ST18: variants seen among roughly 807,000 people sequenced by gnomAD.
ST18 encodes the protein suppression of tumorigenicity 18 protein.
A neutral mutation model predicts 110.0 loss-of-function variants in ST18; 50 were observed. The observed-to-expected ratio is 0.45, with a 90% CI of 0.36 to 0.58. The LOEUF is 0.58. Ranked by LOEUF, ST18 falls within the 20% of genes least tolerant of loss-of-function variation. The pLI is 0.00. For synonymous variants in ST18, 461 were observed against 452.4 expected, an observed-to-expected ratio of 1.02 and a Z score of -0.24; for missense variants, 1,306 against 1,280.1, an observed-to-expected ratio of 1.02 and a Z score of -0.31.
At chr8:52,337,841 G>A (rs905728613) in intron 2 of ST18, among the ~76,000 whole-genome samples, 6 of 152,158 alleles carry the variant, frequency 3.9e-5, no homozygotes, top group African/African-American at 1.4e-4. Flanking sequence ...CATGAAGAAT[G>A]GCTGTGTGAA....
chr8:52,183,094 C>T (rs895063469), intron 8 of ST18, among the ~76,000 whole-genome samples: 1 of 152,124 alleles, frequency 6.6e-6, no homozygotes, highest in Non-Finnish European at 1.5e-5. Flanking sequence ...AAGCTCACGT[C>T]CTCTCCTCCA....
At chr8:52,329,927 TG>T (rs1180369026) in intron 2 of ST18, among the ~76,000 whole-genome samples, 31 of 152,124 alleles carry the variant, frequency 2.0e-4, no homozygotes, top group Non-Finnish European at 5.9e-5. Context: ...TAGCTAATAG[TG>T]GGTTGGCTAG....
intron 2 of ST18, among the ~76,000 whole-genome samples, chr8:52,390,487 T>C (rs1446278314): frequency 3.3e-5 from 5 of 152,172 alleles, no homozygotes; most frequent in Non-Finnish European, 5.9e-5. Flanking sequence ...AATCAGGAAA[T>C]ATTTTCTTAA....
chr8:52,317,586 T>G (rs1336903395), intron 2 of ST18, among the ~76,000 whole-genome samples: 1 of 152,254 alleles, frequency 6.6e-6, no homozygotes, highest in Non-Finnish European at 1.5e-5. Flanking sequence ...ACCTGACTGT[T>G]TCTCCCTATA....
intron 10 of ST18, among the ~76,000 whole-genome samples, chr8:52,170,720 T>G (rs1169500801): frequency 6.6e-6 from 1 of 152,158 alleles, no homozygotes; most frequent in Non-Finnish European, 1.5e-5. Flanking sequence ...CTCCAACCCT[T>G]GCAGGATGTT....
intron 2 of ST18, among the ~76,000 whole-genome samples, chr8:52,399,739 A>C (rs993634122): frequency 1.3e-5 from 2 of 151,998 alleles, no homozygotes; most frequent in Non-Finnish European, 2.9e-5. Flanking sequence ...CGAATTTTTC[A>C]AGATTCCTCC....
intron 2 of ST18, among the ~76,000 whole-genome samples, chr8:52,250,837 T>TA (rs964120520): frequency 3.1e-4 from 47 of 151,184 alleles, no homozygotes; most frequent in South Asian, 6.3e-4. Flanking sequence ...TGCCAGCAGT[T>TA]AAAAAAAAAT....
chr8:52,398,686 G>A (rs1841963633), intron 2 of ST18, among the ~76,000 whole-genome samples: 1 of 152,094 alleles, frequency 6.6e-6, no homozygotes, highest in African/African-American at 2.4e-5. Flanking sequence ...ACAGAATTGA[G>A]ATGTTAATTG....
intron 2 of ST18, among the ~76,000 whole-genome samples, chr8:52,295,943 G>A (rs1362609509): frequency 1.3e-5 from 2 of 151,964 alleles, no homozygotes; most frequent in East Asian, 3.9e-4. Flanking sequence ...GAACAGGGGA[G>A]CAGCTGCATG....
At chr8:52,323,461 G>A (rs578059340) in intron 2 of ST18, among the ~76,000 whole-genome samples, 124 of 152,304 alleles carry the variant, frequency 8.1e-4, no homozygotes, top group African/African-American at 2.7e-3. Context: ...GGTGTCCAGC[G>A]TGCTGGGATG....
chr8:52,211,766 T>C (rs1436846617), intron 8 of ST18, among the ~76,000 whole-genome samples: 4 of 152,106 alleles, frequency 2.6e-5, no homozygotes, highest in Non-Finnish European at 4.4e-5. Context: ...TGACCATCAG[T>C]GTGAAATCCA....
Position 52,168,231 on chromosome 8 carries a change from G to A in ST18, c.1070-1245C>T, listed in dbSNP as rs141712030. ...GAGGCTATCGGGGTCTGCAACATGA[G>A]GCCTCAGGAATAATGAGCACACTAG... On this transcript the variant is annotated intron_variant, in intron 10 of 25. Transcript: ENST00000689386. Among the ~76,000 whole-genome samples, 476 of 148,540 alleles carry A rather than the reference G, an allele frequency of 3.2e-3. 2 individuals are homozygous for A. Among genetic ancestry groups the A allele is most frequent in the African/African-American group, 0.011 (454 of 39,996 alleles).
chr8:52,393,106 G>A (rs529433101), intron 2 of ST18, among the ~76,000 whole-genome samples: 1 of 152,254 alleles, frequency 6.6e-6, no homozygotes, highest in South Asian at 2.1e-4. Flanking sequence ...CACTTTGGGT[G>A]GACAAAGTTC....
Position 52,149,887 on chromosome 8 carries a change from A to G in ST18, c.1897T>C (p.Ser633Pro). The G allele has an allele frequency of 6.2e-7, 1 of 1,614,180 alleles. No individual in the cohort carries two copies. The change falls in exon 16 of 26, where the codon TCT becomes CCT. Residue 633 changes from serine to proline, a missense_variant. Physicochemically the swap from Ser to Pro is moderately conservative, Grantham distance 74 (BLOSUM62 -1). Coordinates refer to ENST00000689386, the MANE Select transcript of ST18 (RefSeq NM_001352837.2). ...ILDKSAPLTS[S>P]NTSIPTPSSS... ...GAAGGAGTTGGAATAGAAGTGTTAG[A>G]GGAAGTTAGGGGTGCAGACTTGTCC...
At chr8:52,348,037 A>C (rs1818516043) in intron 2 of ST18, among the ~76,000 whole-genome samples, 1 of 152,200 alleles carries the variant, frequency 6.6e-6, no homozygotes, top group Admixed American at 6.5e-5. Context: ...ACTATGGTCC[A>C]TGAGCCAGAT....
At chr8:52,338,226 T>G (rs1335281811) in intron 2 of ST18, among the ~76,000 whole-genome samples, 1 of 151,790 alleles carries the variant, frequency 6.6e-6, no homozygotes, top group Admixed American at 6.6e-5. Flanking sequence ...GTCTGGCTAA[T>G]TTTGTATATT....
intron 2 of ST18, chr8:52,249,530 T>C (rs2094127479): frequency 6.6e-6 from 1 of 152,176 alleles, no homozygotes; most frequent in African/African-American, 2.4e-5. Context: ...CTTTGTGTCA[T>C]TTACTTAACG....
At chr8:52,184,919 T>C (rs2071407067) in intron 8 of ST18, among the ~76,000 whole-genome samples, 1 of 152,104 alleles carries the variant, frequency 6.6e-6, no homozygotes, top group Non-Finnish European at 1.5e-5. Context: ...CACAGATTCA[T>C]TGAAAGGGGC....
chr8:52,346,552 A>T (rs1418286933), intron 2 of ST18, among the ~76,000 whole-genome samples: 1 of 152,236 alleles, frequency 6.6e-6, no homozygotes, highest in Non-Finnish European at 1.5e-5. Context: ...TTATCATCAC[A>T]TGTCAGAGCA....
Sources: allele counts gnomAD v4.1 joint callset (sites outside exome capture counted in the v4.1 genomes callset), GRCh38; gene constraint gnomAD v4.1.1; transcripts MANE v1.5; gene names NCBI Gene and HGNC (gene_info 2026-07-23, HGNC 2026-07-21).